ZNF462: variants seen among roughly 807,000 people sequenced by gnomAD.
The protein encoded by ZNF462 is zinc finger PBX1-interacting protein.
Under a neutral mutation model 201.9 loss-of-function variants are expected in ZNF462, and 10 were observed. The ratio of observed to expected loss-of-function variants is 0.05; its 90% confidence interval spans 0.03 to 0.08. The LOEUF (loss-of-function observed/expected upper bound fraction) is 0.08, where lower values mean the gene tolerates loss of function less well. Among genes scored for constraint, ZNF462 ranks in the 10% least tolerant of loss-of-function variants. The pLI is 1.00. For synonymous variants in ZNF462, 1,227 were observed against 1,193.3 expected (o/e 1.03, Z -0.58); for missense variants, 2,523 against 3,168.3 (o/e 0.80, Z 4.89).
chr9:106,939,220 G>A, intron 7 of ZNF462, 113 bp downstream of exon 7: 1 of 1,148,378 alleles, frequency 8.7e-7, no homozygotes, highest in Non-Finnish European at 1.2e-6. Flanking sequence ...GATGGTTCAA[G>A]TGAAGGAAGA....
intron 9 of ZNF462, among the ~76,000 whole-genome samples, chr9:106,980,937 G>A (rs1827380225): frequency 6.6e-6 from 1 of 152,140 alleles, no homozygotes; most frequent in African/African-American, 2.4e-5. Context: ...TCTATACCTG[G>A]AACCATTCCA....
intron 7 of ZNF462, among the ~76,000 whole-genome samples, chr9:106,945,374 A>G (rs2131695608): frequency 6.6e-6 from 1 of 152,276 alleles, no homozygotes. Context: ...TTTTGAAGAG[A>G]AGCTTTTCAG....
Position 106,951,483 on chromosome 9 carries a change from T to TA in ZNF462, c.6427+12376_6427+12377insA, listed in dbSNP as rs543591397. ...AAAAACAAGGGTAAGAAAGAAGCTT[T>TA]CAAAACTATACTGTGCTGCACACGT... On this transcript the variant is annotated intron_variant, in intron 7 of 12. Transcript: ENST00000277225. Among the ~76,000 whole-genome samples the TA allele has an allele frequency of 1.1e-4, 16 of 152,336 alleles. No homozygotes were observed. The South Asian group carries it at 3.3e-3, about 32-fold the overall frequency.
At chr9:106,939,850 C>T (rs1016226274) in intron 7 of ZNF462, among the ~76,000 whole-genome samples, 1 of 152,192 alleles carries the variant, frequency 6.6e-6, no homozygotes, top group Non-Finnish European at 1.5e-5. Context: ...TTTCTCATCT[C>T]ACCTCAAATG....
rs1832159486 is a variant in ZNF462, at chr9:106,968,012, T to G, written c.6428-3993T>G. Among the ~76,000 whole-genome samples the G allele has an allele frequency of 6.6e-6, 1 of 152,202 alleles. No homozygotes were observed. Among genetic ancestry groups the G allele is most frequent in the Non-Finnish European group, 1.5e-5 (1 of 68,026 alleles). On this transcript the variant is annotated intron_variant, in intron 7 of 12. Transcript: ENST00000277225. The surrounding 1 kb of genome is among the most constrained non-coding windows in gnomAD (Gnocchi z 4.0). ...TTATTTTCTTAACTATTTCAACCTT[T>G]CTATCACTTTCTCTCTTTCCTCTCT...
At chr9:106,877,173 TTGG>T (rs756089864) in intron 1 of ZNF462, among the ~76,000 whole-genome samples, 11 of 151,892 alleles carry the variant, frequency 7.2e-5, no homozygotes, top group Non-Finnish European at 1.0e-4. Context: ...GGTAGCTTTA[TTGG>T]TGGTGGTGGT....
chr9:106,951,054 C>A (rs1049858863), intron 7 of ZNF462, among the ~76,000 whole-genome samples: 25 of 151,644 alleles, frequency 1.6e-4, no homozygotes, highest in African/African-American at 4.9e-4. Flanking sequence ...CACACCACTG[C>A]ACTCCAGCCT....
At chr9:106,868,960 G>T (rs932039785) in intron 1 of ZNF462, among the ~76,000 whole-genome samples, 1 of 152,170 alleles carries the variant, frequency 6.6e-6, no homozygotes, top group Non-Finnish European at 1.5e-5. Context: ...GCCCAATTTT[G>T]TTCATGTGAC....
chr9:106,960,240 C>G (rs963804906), intron 7 of ZNF462, among the ~76,000 whole-genome samples: 1 of 152,016 alleles, frequency 6.6e-6, no homozygotes, highest in African/African-American at 2.4e-5. Flanking sequence ...TCTTGATTAT[C>G]GAATCTTTTA....
At chr9:106,986,984 G>C (rs946631905) in intron 10 of ZNF462, among the ~76,000 whole-genome samples, 40 of 65,148 alleles carry the variant, frequency 6.1e-4, no homozygotes, top group Non-Finnish European at 1.3e-3. Flanking sequence ...ATCATAGATA[G>C]ATAGATAGAT....
In ZNF462 at chr9:107,006,077, A is replaced by AT. The variant is rs1829522194; in HGVS notation, c.7189+2653dup. 6.6e-6 allele frequency among the ~76,000 whole-genome samples: 1 copy of AT among 151,998 alleles called. No individual in the cohort carries two copies. Among genetic ancestry groups the AT allele is most frequent in the Admixed American group, 6.6e-5 (1 of 15,260 alleles). ...TTTATGCCAGTACCATGCTGTTTTG[A>AT]TTACTATAGTTTTGTAGTCAACTTT... On this transcript the variant is annotated intron_variant, in intron 11 of 12. Coordinates refer to ENST00000277225, the MANE Select transcript of ZNF462 (RefSeq NM_021224.6). The surrounding 1 kb of genome is among the most constrained non-coding windows in gnomAD (Gnocchi z 4.3).
At chr9:106,908,951 T>A (rs1163693198) in intron 1 of ZNF462, among the ~76,000 whole-genome samples, 8 of 51,370 alleles carry the variant, frequency 1.6e-4, no homozygotes, top group African/African-American at 2.1e-4. Context: ...ATTTTTTTTT[T>A]TTTTTTTTTT....
chr9:106,962,291 T>C lies in ZNF462; in HGVS notation c.6428-9714T>C, dbSNP rs969089758. ...CTGAACCAACAGAGCTTTTGACTCA[T>C]TGAATGTGTGGAATGAAAGAGAGAA... is the stretch of plus-strand genomic sequence containing the variant. On this transcript the variant is annotated intron_variant, in intron 7 of 12. Coordinates refer to ENST00000277225, the MANE Select transcript of ZNF462 (RefSeq NM_021224.6). The surrounding 1 kb of genome is among the most constrained non-coding windows in gnomAD (Gnocchi z 4.6). Among the ~76,000 whole-genome samples the C allele has an allele frequency of 2.6e-5, 4 of 152,038 alleles. No individual in the cohort carries two copies. Among genetic ancestry groups the C allele is most frequent in the African/African-American group, 9.7e-5 (4 of 41,412 alleles).
At chr9:106,910,362 G>GTTTTTTTTTTT (rs1011376719) in intron 1 of ZNF462, among the ~76,000 whole-genome samples, 3 of 64,798 alleles carry the variant, frequency 4.6e-5, no homozygotes, top group African/African-American at 1.2e-4. Flanking sequence ...CCTTGTTTTA[G>GTTTTTTTTTTT]TTTTTTTTTT....
chr9:106,906,713 T>G (rs1361525944), intron 1 of ZNF462, among the ~76,000 whole-genome samples: 1 of 152,240 alleles, frequency 6.6e-6, no homozygotes, highest in African/African-American at 2.4e-5. Flanking sequence ...CCCAGTTGTT[T>G]TACATTTGAT....
chr9:106,964,264 G>A (rs980525574), intron 7 of ZNF462, among the ~76,000 whole-genome samples: 1 of 151,940 alleles, frequency 6.6e-6, no homozygotes, highest in African/African-American at 2.4e-5. Flanking sequence ...CCGTGAGACT[G>A]TACCATTTTG....
intron 1 of ZNF462, among the ~76,000 whole-genome samples, chr9:106,896,694 C>A (rs1828827277): frequency 6.6e-6 from 1 of 152,210 alleles, no homozygotes; most frequent in Non-Finnish European, 1.5e-5. Flanking sequence ...GTGAGGTCGA[C>A]TGATTGATGA....
chr9:106,866,913 C>CT (rs892809921), intron 1 of ZNF462, among the ~76,000 whole-genome samples: 1 of 152,036 alleles, frequency 6.6e-6, no homozygotes, highest in South Asian at 2.1e-4. Context: ...TTCATGATAT[C>CT]TTTTTTTATT....
At position 106,923,536 on chromosome 9, in the gene ZNF462, C is replaced by G; in HGVS notation, c.153C>G (p.Ala51=). 1 of 1,614,196 alleles carries G rather than the reference C, an allele frequency of 6.2e-7. No individual in the cohort carries two copies. Among genetic ancestry groups the G allele is most frequent in the Non-Finnish European group, 8.5e-7 (1 of 1,180,038 alleles). ...AGCTACGATGTGGGTCCGTGAATGC[C>G]AGTAATCAGACAGAGGTGGAGTTTT... ...VNELRCGSVN[A]SNQTEVEFSS... is the part of the protein sequence containing the mutation. The change falls in exon 2 of 13, where the codon GCC becomes GCG. Residue 51 remains alanine, a synonymous_variant. Transcript: ENST00000277225. The surrounding 1 kb of genome is among the most constrained non-coding windows in gnomAD (Gnocchi z 5.6).
Sources: allele counts gnomAD v4.1 joint callset (sites outside exome capture counted in the v4.1 genomes callset), GRCh38; gene constraint gnomAD v4.1.1; non-coding constraint Gnocchi (gnomAD v3.1); transcripts MANE v1.5; gene names NCBI Gene and HGNC (gene_info 2026-07-23, HGNC 2026-07-21).